The following NTSR1 variants were observed in gnomAD, a reference collection of about 807,000 sequenced individuals.
NTSR1 encodes neurotensin receptor 1.
Under a neutral mutation model 31.2 loss-of-function variants are expected in NTSR1, and 29 were observed. That is an observed-to-expected ratio of 0.93 (90% CI 0.69 to 1.27). NTSR1 has a LOEUF of 1.27. NTSR1 is among the 50% of genes most tolerant of loss of function. NTSR1 has a pLI of 0.00. For missense variants in NTSR1, 697 were observed against 595.4 expected (o/e 1.17, Z -1.78); for synonymous variants, 282 against 269.9 (o/e 1.04, Z -0.44).
chr20:62,708,999 A>G lies in NTSR1; in HGVS notation c.-209A>G. On this transcript the variant is annotated 5_prime_UTR_variant, in exon 1 of 4. Transcript: ENST00000370501. This position sits in a 1 kb window ranked among gnomAD's most constrained non-coding sequence, Gnocchi z 5.9. ...CTGGAGCTAGGAGCCGGAAGCTGGGAGTCCGGAGGAGAGCGGAGCCCGGAG... is the reference window on the plus strand; with the variant it reads ...CTGGAGCTAGGAGCCGGAAGCTGGGGGTCCGGAGGAGAGCGGAGCCCGGAG... The G allele has an allele frequency of 2.3e-6, 1 of 441,492 alleles. No homozygotes were observed. The highest frequency in any genetic ancestry group is 3.9e-6 in the Non-Finnish European group (1 of 253,718). The allele number at this position is 441,492 out of a possible 1,614,324, so 27.3% of individuals were successfully genotyped here. A position where few individuals can be genotyped will look rare whatever the true frequency, so the allele number is the denominator to read the frequency against.
rs1988696905 is a variant in NTSR1, at chr20:62,715,443, G to C, written c.714+5522G>C. On this transcript the variant is annotated intron_variant, in intron 1 of 3. Coordinates refer to ENST00000370501, the MANE Select transcript of NTSR1 (RefSeq NM_002531.3). This position sits in a 1 kb window ranked among gnomAD's most constrained non-coding sequence, Gnocchi z 4.7. ...AGGTGCTCTCAGAAGGGAAGGCCTA[G>C]CCTGACCCTGTGGTGCTCCCCGTGG... Among the ~76,000 whole-genome samples, 3 of 152,260 alleles carry C rather than the reference G, an allele frequency of 2.0e-5. No individual in the cohort carries two copies. Among genetic ancestry groups the C allele is most frequent in the Non-Finnish European group, 4.4e-5 (3 of 68,040 alleles).
Position 62,709,569 on chromosome 20 carries a change from C to T in NTSR1, c.362C>T (p.Pro121Leu). The T allele has an allele frequency of 6.2e-7, 1 of 1,611,770 alleles. No homozygotes were observed. ...SDLLTLLLAM[P>L]VELYNFIWVH... ...CTGCTCACCCTGCTGCTGGCCATGC[C>T]CGTGGAGCTGTACAACTTCATCTGG... Residue 121 changes from proline (P) to leucine (L), a missense_variant, in exon 1 of 4, where the codon CCC becomes CTC. Coordinates refer to ENST00000370501, the MANE Select transcript of NTSR1 (RefSeq NM_002531.3).
chr20:62,751,626 T>C (rs549562205), intron 1 of NTSR1, among the ~76,000 whole-genome samples: 3 of 152,376 alleles, frequency 2.0e-5, no homozygotes, highest in Admixed American at 6.5e-5. Context: ...AGCAAAGGTT[T>C]GGGGCTGGCC....
Position 62,745,352 on chromosome 20 carries a change from AACAGAG to A in NTSR1, c.715-9325_715-9320del, listed in dbSNP as rs1989281811. Among the ~76,000 whole-genome samples the A allele has an allele frequency of 6.6e-6, 1 of 151,988 alleles. No individual in the cohort carries two copies. ...AGACAGAGATACAGAGACACAAGAA[AACAGAG>A]ACAGAGATAGAGACAGAGACACAGA... On this transcript the variant is annotated intron_variant, in intron 1 of 3. Transcript: ENST00000370501. This position sits in a 1 kb window ranked among gnomAD's most constrained non-coding sequence, Gnocchi z 4.1.
At chr20:62,728,736 G>A (rs2427424) in intron 1 of NTSR1, among the ~76,000 whole-genome samples, 1 of 151,936 alleles carries the variant, frequency 6.6e-6, no homozygotes, top group Non-Finnish European at 1.5e-5. Flanking sequence ...GGCCAAGCAG[G>A]TTTCACGGCA....
At chr20:62,746,059 C>T (rs970726639) in intron 1 of NTSR1, among the ~76,000 whole-genome samples, 31 of 152,190 alleles carry the variant, frequency 2.0e-4, no homozygotes, top group Non-Finnish European at 2.8e-4. Context: ...GAGAGGTAGA[C>T]GCTCAGCCTG....
Position 62,744,074 on chromosome 20 carries a change from G to A in NTSR1, c.715-10611G>A, listed in dbSNP as rs546179213. On this transcript the variant is annotated intron_variant, in intron 1 of 3. Coordinates refer to ENST00000370501, the MANE Select transcript of NTSR1 (RefSeq NM_002531.3). The surrounding 1 kb of genome is among the most constrained non-coding windows in gnomAD (Gnocchi z 4.1). ...TCCTCCCCATCAAAATTACACATGC[G>A]AGGGGGCAGAGGCCAGGCTGTCCCT... 2.0e-5 allele frequency among the ~76,000 whole-genome samples: 3 copies of A among 152,186 alleles called. No homozygotes were observed. Among genetic ancestry groups the A allele is most frequent in the South Asian group, 2.1e-4 (1 of 4,808 alleles).
chr20:62,762,253 C>T lies in NTSR1; in HGVS notation c.*1986C>T, dbSNP rs896977044. On this transcript the variant is annotated 3_prime_UTR_variant, in exon 4 of 4. Transcript: ENST00000370501. ...ACCTTGGGCCATAATTTCTGAGCCT[C>T]GGTTTCCCCATCTAAGGAACAGATG... The T allele has an allele frequency of 2.6e-5, 4 of 152,228 alleles. No individual in the cohort carries two copies. The highest frequency in any genetic ancestry group is 6.5e-5 in the Admixed American group (1 of 15,280). 9.4% of individuals were successfully genotyped at this position (152,228 alleles called of 1,614,324 possible).
At chr20:62,710,541 G>A (rs1436822549) in intron 1 of NTSR1, among the ~76,000 whole-genome samples, 3 of 152,172 alleles carry the variant, frequency 2.0e-5, no homozygotes, top group Admixed American at 6.5e-5. Flanking sequence ...CTATTATTGC[G>A]GGATGGTGGG....
At chr20:62,757,772 A>G (rs971709317) in intron 2 of NTSR1, among the ~76,000 whole-genome samples, 6 of 149,566 alleles carry the variant, frequency 4.0e-5, no homozygotes, top group African/African-American at 7.4e-5. Context: ...GCCAGTGTCT[A>G]CCTCCCTCAG....
At position 62,709,452 on chromosome 20, in the gene NTSR1, C is replaced by T. The variant is rs1339021116; in HGVS notation, c.245C>T (p.Thr82Met). 1.9e-6 allele frequency: 3 copies of T among 1,612,500 alleles called. No individual in the cohort carries two copies. Among genetic ancestry groups the T allele is most frequent in the Non-Finnish European group, 2.5e-6 (3 of 1,179,784 alleles). Residue 82 changes from threonine (T) to methionine (M), a missense_variant, in exon 1 of 4, where the codon ACG becomes ATG. Physicochemically the swap from Thr to Met is moderately conservative, Grantham distance 81. Transcript: ENST00000370501. The stretch of plus-strand genomic sequence containing the variant: ...TTCGTGGTGGGCACGGTGGGCAACA[C>T]GGTGACGGCGTTCACGCTGGCGCGG... The part of the protein sequence containing the change: ...ALFVVGTVGN[T>M]VTAFTLARKK...
At chr20:62,719,375 TACC>T (rs1012274066) in intron 1 of NTSR1, among the ~76,000 whole-genome samples, 1 of 152,176 alleles carries the variant, frequency 6.6e-6, no homozygotes, top group African/African-American at 2.4e-5. Flanking sequence ...ACGTAAAATT[TACC>T]ACTTTAATCA....
chr20:62,716,335 A>T (rs1335983242), intron 1 of NTSR1, among the ~76,000 whole-genome samples: 2 of 152,156 alleles, frequency 1.3e-5, no homozygotes, highest in African/African-American at 4.8e-5. Context: ...GAAAGACGCC[A>T]GACTCCAAGG....
chr20:62,747,202 T>C (rs1437061086), intron 1 of NTSR1, among the ~76,000 whole-genome samples: 1 of 152,236 alleles, frequency 6.6e-6, no homozygotes, highest in Admixed American at 6.5e-5. Flanking sequence ...CCTTTCATGA[T>C]AAAAACACTC....
intron 2 of NTSR1, among the ~76,000 whole-genome samples, chr20:62,755,297 A>AC (rs2147148507): frequency 1.2e-5 from 1 of 85,738 alleles, no homozygotes; most frequent in African/African-American, 4.6e-5. Flanking sequence ...CCCTCCATTC[A>AC]TTCCTCTACC....
chr20:62,709,105 C>G lies in NTSR1; in HGVS notation c.-103C>G. On this transcript the variant is annotated 5_prime_UTR_variant, in exon 1 of 4. Transcript: ENST00000370501. ...CCGCTGGTCTTCGCCACGCGCCCTC[C>G]CCTGGGCTCCCGTTCATCGGTCCCC... is the stretch of plus-strand genomic sequence containing the variant. 2.0e-6 allele frequency: 2 copies of G among 984,276 alleles called. No individual in the cohort carries two copies. The highest frequency in any genetic ancestry group is 2.7e-6 in the Non-Finnish European group (2 of 727,348). 61.0% of individuals were successfully genotyped at this position (984,276 alleles called of 1,614,324 possible).
At chr20:62,712,360 G>T (rs993333565) in intron 1 of NTSR1, among the ~76,000 whole-genome samples, 4 of 152,216 alleles carry the variant, frequency 2.6e-5, no homozygotes, top group South Asian at 2.1e-4. Flanking sequence ...TTGGGGCAGT[G>T]GCCAATCAAA....
intron 1 of NTSR1, among the ~76,000 whole-genome samples, chr20:62,723,423 G>A (rs533992371): frequency 6.6e-5 from 10 of 152,324 alleles, no homozygotes; most frequent in Non-Finnish European, 1.3e-4. Context: ...GAATAGAGCC[G>A]TCCGGAATGT....
At chr20:62,722,423 C>T (rs1988839192) in intron 1 of NTSR1, among the ~76,000 whole-genome samples, 1 of 152,216 alleles carries the variant, frequency 6.6e-6, no homozygotes, top group Admixed American at 6.5e-5. Flanking sequence ...CCCCCTAGCT[C>T]TGCCAGGATG....
Sources: allele counts gnomAD v4.1 joint callset (sites outside exome capture counted in the v4.1 genomes callset), GRCh38; gene constraint gnomAD v4.1.1; non-coding constraint Gnocchi (gnomAD v3.1); transcripts MANE v1.5; gene names NCBI Gene and HGNC (gene_info 2026-07-23, HGNC 2026-07-21).